Variants in NFATC3 observed in about 807,000 individuals in gnomAD.
The protein encoded by NFATC3 is nuclear factor of activated T cells 3, also known as nuclear factor of activated T-cells, cytoplasmic 3.
In NFATC3, 46 loss-of-function variants were observed where a neutral mutation model predicts 98.6. That is an observed-to-expected ratio of 0.47 (90% CI 0.37 to 0.60). The LOEUF is 0.60. NFATC3 is among the 20% of genes least tolerant of loss of function. The probability of loss-of-function intolerance (pLI) is 0.00; values close to 1 mark genes in which losing one functional copy is unlikely to be tolerated. For synonymous variants in NFATC3, 512 were observed against 472.2 expected, an observed-to-expected ratio of 1.08 and a Z score of -1.09; for missense variants, 1,256 against 1,295.5, an observed-to-expected ratio of 0.97 and a Z score of 0.47.
At chr16:68,150,965 C>A (rs898065475) in intron 3 of NFATC3, among the ~76,000 whole-genome samples, 1 of 152,146 alleles carries the variant, frequency 6.6e-6, no homozygotes, top group Admixed American at 6.6e-5. Context: ...CCCCCCCAGC[C>A]ATGGGGGACT....
At chr16:68,207,653 G>A (rs2041206469) in intron 9 of NFATC3, among the ~76,000 whole-genome samples, 1 of 152,042 alleles carries the variant, frequency 6.6e-6, no homozygotes, top group Non-Finnish European at 1.5e-5. Context: ...TAGTAAAAAC[G>A]GGGTTTCACC....
intron 3 of NFATC3, among the ~76,000 whole-genome samples, chr16:68,127,762 T>C (rs1935043341): frequency 6.6e-6 from 1 of 151,792 alleles, no homozygotes; most frequent in Non-Finnish European, 1.5e-5. Context: ...TATTGAGAGA[T>C]GAAGTTATTG....
At chr16:68,105,492 T>G (rs1480617150) in intron 1 of NFATC3, among the ~76,000 whole-genome samples, 1 of 152,192 alleles carries the variant, frequency 6.6e-6, no homozygotes, top group Non-Finnish European at 1.5e-5. Flanking sequence ...CATTTGGTCT[T>G]TTTTAATGTG....
intron 3 of NFATC3, among the ~76,000 whole-genome samples, chr16:68,146,913 G>T (rs2038066373): frequency 6.6e-6 from 1 of 152,210 alleles, no homozygotes. Context: ...TTTATTTATT[G>T]CCTACAACAT....
chr16:68,101,536 T>C (rs1157048873), intron 1 of NFATC3, among the ~76,000 whole-genome samples: 1 of 151,208 alleles, frequency 6.6e-6, no homozygotes, highest in Non-Finnish European at 1.5e-5. Context: ...CAGGCTGGAG[T>C]GCAGTGGCGC....
At chr16:68,166,488 C>T (rs1003669178) in intron 4 of NFATC3, among the ~76,000 whole-genome samples, 1 of 152,118 alleles carries the variant, frequency 6.6e-6, no homozygotes. Context: ...TCATAACTTG[C>T]ATATTGTCAC....
intron 6 of NFATC3, among the ~76,000 whole-genome samples, chr16:68,176,741 A>G (rs962037862): frequency 6.6e-6 from 1 of 152,058 alleles, no homozygotes; most frequent in Non-Finnish European, 1.5e-5. Flanking sequence ...CCATTGGATC[A>G]TTTTTCATTT....
chr16:68,220,565 C>T (rs577836469), intron 9 of NFATC3, among the ~76,000 whole-genome samples: 14 of 150,060 alleles, frequency 9.3e-5, no homozygotes, highest in African/African-American at 3.4e-4. Context: ...AACCACCTCA[C>T]ATACTTAGTG....
intron 1 of NFATC3, among the ~76,000 whole-genome samples, chr16:68,107,477 C>T (rs765657686): frequency 6.6e-6 from 1 of 152,156 alleles, no homozygotes; most frequent in East Asian, 1.9e-4. Context: ...AATCCCAGCA[C>T]TTTGAGGGGC....
chr16:68,177,751 TTA>T lies in NFATC3; in HGVS notation c.1915+3239_1915+3240del, dbSNP rs552956443. Among the ~76,000 whole-genome samples, 523 of 152,274 alleles carry T rather than the reference TTA, an allele frequency of 3.4e-3. 6 individuals carry two copies. The highest frequency in any genetic ancestry group is 0.012 in the African/African-American group (486 of 41,556). On this transcript the variant is annotated intron_variant, in intron 6 of 9. Coordinates refer to ENST00000346183, the MANE Select transcript of NFATC3 (RefSeq NM_173165.3). ...CCTTCTTCTTGGAGTTTAATTATGT[TTA>T]TGTCTTCTCATCCTAAATATTCCCT... is the stretch of plus-strand genomic sequence containing the variant.
intron 9 of NFATC3, among the ~76,000 whole-genome samples, chr16:68,207,038 C>T (rs998725709): frequency 2.0e-5 from 3 of 150,620 alleles, no homozygotes; most frequent in Admixed American, 6.6e-5. Flanking sequence ...GGACAGGGCT[C>T]GGTGGCTCAC....
intron 8 of NFATC3, among the ~76,000 whole-genome samples, chr16:68,189,073 T>C (rs2040331534): frequency 6.6e-6 from 1 of 152,218 alleles, no homozygotes; most frequent in Non-Finnish European, 1.5e-5. Flanking sequence ...AAGACTGTTC[T>C]TTCCCCCATT....
Position 68,176,388 on chromosome 16 carries a change from T to C in NFATC3, c.1915+1874T>C, listed in dbSNP as rs2039708936. On this transcript the variant is annotated intron_variant, in intron 6 of 9. Coordinates refer to ENST00000346183, the MANE Select transcript of NFATC3 (RefSeq NM_173165.3). ...TTCTGTTTTTGGACTTTGTACGATA[T>C]TGCCTCTATTCTTTGAAAAATTGTA... is the stretch of plus-strand genomic sequence containing the variant. Among the ~76,000 whole-genome samples the C allele has an allele frequency of 2.0e-5, 3 of 152,006 alleles. No homozygotes were observed. In the South Asian group the frequency reaches 6.2e-4, roughly 31 times the overall value.
intron 6 of NFATC3, 121 bp downstream of exon 6, chr16:68,174,635 C>A: frequency 2.7e-6 from 2 of 734,334 alleles, no homozygotes; most frequent in Non-Finnish European, 3.9e-6. Context: ...TGTCATTTTG[C>A]ACTTGATTTT....
intron 3 of NFATC3, among the ~76,000 whole-genome samples, chr16:68,143,665 A>G (rs1461827375): frequency 2.0e-5 from 3 of 152,164 alleles, no homozygotes; most frequent in Non-Finnish European, 4.4e-5. Context: ...CCTGGCCAAT[A>G]TAATGAAGCC....
At chr16:68,137,361 A>G (rs1242118465) in intron 3 of NFATC3, among the ~76,000 whole-genome samples, 1 of 152,154 alleles carries the variant, frequency 6.6e-6, no homozygotes, top group Non-Finnish European at 1.5e-5. Context: ...GAACATCAAG[A>G]TGTCACTAGG....
In NFATC3 at chr16:68,153,190, G is replaced by T. The variant is rs568236991; in HGVS notation, c.1402-4679G>T. ...GGCAGGTGGATCACCTGAGGCCAGG[G>T]CAGGTGGATCACCTGAGGCCAGAAG... On this transcript the variant is annotated intron_variant, in intron 3 of 9. Coordinates refer to ENST00000346183, the MANE Select transcript of NFATC3 (RefSeq NM_173165.3). Among the ~76,000 whole-genome samples the T allele has an allele frequency of 5.3e-5, 8 of 152,164 alleles. No homozygotes were observed. The East Asian group carries it at 9.7e-4, about 18-fold the overall frequency.
intron 1 of NFATC3, among the ~76,000 whole-genome samples, chr16:68,107,787 TGTG>T (rs967028066): frequency 5.9e-5 from 9 of 151,950 alleles, no homozygotes; most frequent in Admixed American, 3.3e-4. Context: ...GGTATCTCAT[TGTG>T]GTTTTGATTT....
intron 1 of NFATC3, among the ~76,000 whole-genome samples, chr16:68,102,959 G>T (rs1186285851): frequency 2.6e-5 from 4 of 151,986 alleles, no homozygotes. Context: ...AATGACCAGT[G>T]ATGTTGAACA....
Sources: allele counts gnomAD v4.1 joint callset (sites outside exome capture counted in the v4.1 genomes callset), GRCh38; gene constraint gnomAD v4.1.1; transcripts MANE v1.5; gene names NCBI Gene and HGNC (gene_info 2026-07-23, HGNC 2026-07-21).